MTUS2: variants seen among roughly 807,000 people sequenced by gnomAD.
MTUS2 encodes microtubule-associated tumor suppressor candidate 2.
Under a neutral mutation model 114.1 loss-of-function variants are expected in MTUS2, and 40 were observed. The observed-to-expected ratio is 0.35, with a 90% CI of 0.27 to 0.46. The LOEUF (loss-of-function observed/expected upper bound fraction) is 0.46. MTUS2 is among the 20% of genes least tolerant of loss of function. The probability of loss-of-function intolerance (pLI) is 1.00; values close to 1 mark genes in which losing one functional copy is unlikely to be tolerated. For missense variants in MTUS2, 1,679 were observed against 1,705.4 expected (o/e 0.98, Z 0.27); for synonymous variants, 688 against 672.0 (o/e 1.02, Z -0.37).
intron 2 of MTUS2, among the ~76,000 whole-genome samples, chr13:28,891,593 C>T (rs1479522895): frequency 6.6e-6 from 1 of 151,908 alleles, no homozygotes; most frequent in Non-Finnish European, 1.5e-5. Context: ...ATAAGAATAA[C>T]AACAGGCTGG....
intron 4 of MTUS2, among the ~76,000 whole-genome samples, chr13:29,036,161 G>A (rs77131357): frequency 0.47 from 58,386 of 125,078 alleles, 14,528 homozygotes; most frequent in South Asian, 0.74. Context: ...AAAAAAGAAA[G>A]AAAAATAAAA....
intron 5 of MTUS2, among the ~76,000 whole-genome samples, chr13:29,120,144 T>G (rs1348499986): frequency 2.0e-5 from 3 of 152,136 alleles, no homozygotes; most frequent in South Asian, 2.1e-4. Flanking sequence ...AGAGTATTGG[T>G]GAGTATGTGG....
chr13:29,249,255 C>T (rs1897039042), intron 5 of MTUS2, among the ~76,000 whole-genome samples: 1 of 152,142 alleles, frequency 6.6e-6, no homozygotes, highest in Non-Finnish European at 1.5e-5. Context: ...TCCCAAAGTG[C>T]TAGGATTACA....
intron 5 of MTUS2, among the ~76,000 whole-genome samples, chr13:29,266,234 C>T (rs1897662738): frequency 6.6e-6 from 1 of 152,092 alleles, no homozygotes; most frequent in Admixed American, 6.5e-5. Flanking sequence ...ACAACAATTC[C>T]AATAATTAGG....
chr13:28,880,513 A>G (rs1323866251), intron 2 of MTUS2, among the ~76,000 whole-genome samples: 3 of 152,234 alleles, frequency 2.0e-5, no homozygotes, highest in Middle Eastern at 3.2e-3. Context: ...TTATCCATCA[A>G]AAAGCAAAGG....
intron 4 of MTUS2, among the ~76,000 whole-genome samples, chr13:29,072,497 A>G (rs1888986811): frequency 6.6e-6 from 1 of 152,186 alleles, no homozygotes; most frequent in Non-Finnish European, 1.5e-5. Flanking sequence ...AAACATTATG[A>G]AAATGCGTTT....
At chr13:28,829,462 G>A (rs1167325854) in intron 1 of MTUS2, among the ~76,000 whole-genome samples, 2 of 152,088 alleles carry the variant, frequency 1.3e-5, no homozygotes, top group East Asian at 3.9e-4. Flanking sequence ...AACCCGGGAG[G>A]TGGAGGTTGC....
At chr13:29,063,483 G>A (rs167834) in intron 4 of MTUS2, among the ~76,000 whole-genome samples, 144,180 of 152,264 alleles carry the variant, frequency 0.95, 68,627 homozygotes, top group Non-Finnish European at 1. Context: ...AAATTCAATC[G>A]TGTAAGAAAA....
chr13:29,103,095 T>C (rs760565724), intron 5 of MTUS2, among the ~76,000 whole-genome samples: 1 of 152,212 alleles, frequency 6.6e-6, no homozygotes, highest in Non-Finnish European at 1.5e-5. Context: ...TTTGCAGACA[T>C]TATTTTCACA....
At chr13:29,093,999 G>A (rs971412652) in intron 4 of MTUS2, among the ~76,000 whole-genome samples, 1 of 152,034 alleles carries the variant, frequency 6.6e-6, no homozygotes, top group East Asian at 1.9e-4. Context: ...TATTAATATG[G>A]TATAGTACAT....
At chr13:29,186,221 A>AT (rs1244506689) in intron 5 of MTUS2, among the ~76,000 whole-genome samples, 2 of 152,204 alleles carry the variant, frequency 1.3e-5, no homozygotes, top group Non-Finnish European at 2.9e-5. Context: ...TTCCAAAAGA[A>AT]TTTTTTTAAA....
At chr13:28,970,099 T>C (rs954299141) in intron 2 of MTUS2, among the ~76,000 whole-genome samples, 15 of 152,226 alleles carry the variant, frequency 9.9e-5, no homozygotes, top group African/African-American at 3.6e-4. Context: ...TAATATGTTA[T>C]TGTTAACTAT....
chr13:29,489,146 G>A (rs531377894), intron 11 of MTUS2, among the ~76,000 whole-genome samples: 4 of 152,146 alleles, frequency 2.6e-5, no homozygotes, highest in South Asian at 2.1e-4. Flanking sequence ...TTAGCCAGGC[G>A]CGGTGGGCTG....
chr13:29,412,733 T>A (rs528868955), intron 8 of MTUS2, among the ~76,000 whole-genome samples: 6 of 152,172 alleles, frequency 3.9e-5, no homozygotes, highest in East Asian at 1.9e-4. Context: ...CTTCAAAAAA[T>A]TTTTAAAAAT....
At chr13:29,411,487 T>TAA (rs1875236127) in intron 8 of MTUS2, among the ~76,000 whole-genome samples, 1 of 152,242 alleles carries the variant, frequency 6.6e-6, no homozygotes, top group Admixed American at 6.5e-5. Flanking sequence ...TGTGGTATGT[T>TAA]TTAATGTCTG....
intron 8 of MTUS2, among the ~76,000 whole-genome samples, chr13:29,378,287 A>G (rs1189102417): frequency 1.8e-5 from 2 of 111,236 alleles, no homozygotes; most frequent in Admixed American, 2.1e-4. Context: ...TTTTTATAAT[A>G]AATTAAAAAA....
At chr13:29,237,445 A>G (rs891096729) in intron 5 of MTUS2, among the ~76,000 whole-genome samples, 51 of 152,186 alleles carry the variant, frequency 3.4e-4, no homozygotes, top group African/African-American at 1.2e-3. Flanking sequence ...GCCCCCAAGC[A>G]GATTTCACGC....
At chr13:29,207,383 ACTT>A (rs1208217476) in intron 5 of MTUS2, among the ~76,000 whole-genome samples, 1 of 152,246 alleles carries the variant, frequency 6.6e-6, no homozygotes, top group East Asian at 1.9e-4. Flanking sequence ...CGACAGTTTC[ACTT>A]CTTCTTTACT....
chr13:28,944,770 C>T (rs1465100489), intron 2 of MTUS2, among the ~76,000 whole-genome samples: 2 of 152,172 alleles, frequency 1.3e-5, no homozygotes, highest in African/African-American at 2.4e-5. Flanking sequence ...CCACACTAAG[C>T]ACTGTATTTA....
Sources: allele counts gnomAD v4.1 joint callset (sites outside exome capture counted in the v4.1 genomes callset), GRCh38; gene constraint gnomAD v4.1.1; transcripts MANE v1.5; gene names NCBI Gene and HGNC (gene_info 2026-07-23, HGNC 2026-07-21).